The following TRAPPC9 variants were observed in gnomAD, a reference collection of about 807,000 sequenced individuals.
TRAPPC9 encodes trafficking protein particle complex subunit 9.
A neutral mutation model predicts 124.0 loss-of-function variants in TRAPPC9; 83 were observed. That is an observed-to-expected ratio of 0.67 (90% CI 0.56 to 0.80). The LOEUF is 0.80. TRAPPC9 is among the 30% of genes least tolerant of loss of function. The pLI, the probability that TRAPPC9 is intolerant of heterozygous loss-of-function variation, is 0.00. For missense variants in TRAPPC9, 1,302 were observed against 1,508.3 expected (o/e 0.86, Z 2.27); for synonymous variants, 638 against 617.5 (o/e 1.03, Z -0.49).
At chr8:139,838,201 C>T (rs1826483941) in intron 21 of TRAPPC9, among the ~76,000 whole-genome samples, 2 of 152,190 alleles carry the variant, frequency 1.3e-5, no homozygotes, top group South Asian at 2.1e-4. Context: ...TCTTCCTCAT[C>T]CTGCAGGTCT....
chr8:140,076,171 C>T lies in TRAPPC9; in HGVS notation c.2557-52092G>A, dbSNP rs193084584. ...GTATATATACATAGCAGCACTGTGA[C>T]GAGTCTACATAAGGAAGAGAGTTTC... is the stretch of plus-strand genomic sequence containing the variant. On this transcript the variant is annotated intron_variant, in intron 17 of 22. Coordinates refer to ENST00000438773, the MANE Select transcript of TRAPPC9 (RefSeq NM_001160372.4). Among the ~76,000 whole-genome samples the T allele has an allele frequency of 3.4e-4, 52 of 152,248 alleles. No homozygotes were observed. The East Asian group carries it at 8.9e-3, about 26-fold the overall frequency.
intron 21 of TRAPPC9, among the ~76,000 whole-genome samples, chr8:139,816,043 A>G (rs1043159560): frequency 1.3e-5 from 2 of 152,222 alleles, no homozygotes; most frequent in African/African-American, 2.4e-5. Context: ...TGGCTTAACC[A>G]CTGGAGAAAC....
rs1292031022 is a variant in TRAPPC9 at position 140,450,789 on chromosome 8, C to T, written c.584+1G>A. On this transcript the variant is annotated splice_donor_variant, in intron 2 of 22. Coordinates refer to ENST00000438773, the MANE Select transcript of TRAPPC9 (RefSeq NM_001160372.4). LOFTEE classifies it high-confidence loss of function. ...GGGCCTGGGTCTCTAGGTAAGCTTA[C>T]CTGCTGTCTGTGTCCAGTCCTACAA... The T allele has an allele frequency of 1.9e-6, 3 of 1,603,220 alleles. No individual in the cohort carries two copies. The highest frequency in any genetic ancestry group is 1.3e-5 in the African/African-American group (1 of 74,902).
At chr8:140,094,366 C>T (rs1279895504) in intron 17 of TRAPPC9, among the ~76,000 whole-genome samples, 9 of 152,178 alleles carry the variant, frequency 5.9e-5, no homozygotes, top group Non-Finnish European at 8.8e-5. Flanking sequence ...GGTGTGGCAG[C>T]GTAGGCAGGC....
At chr8:140,327,243 T>C (rs2066763695) in intron 9 of TRAPPC9, among the ~76,000 whole-genome samples, 1 of 150,528 alleles carries the variant, frequency 6.6e-6, no homozygotes, top group African/African-American at 2.4e-5. Flanking sequence ...ACAGGACATC[T>C]AAAAAAAAAG....
intron 17 of TRAPPC9, among the ~76,000 whole-genome samples, chr8:140,057,346 A>C (rs950118431): frequency 7.2e-5 from 11 of 152,242 alleles, no homozygotes; most frequent in African/African-American, 2.7e-4. Flanking sequence ...GTATTTATCC[A>C]AAAGAATTGA....
intron 5 of TRAPPC9, among the ~76,000 whole-genome samples, chr8:140,407,435 G>A (rs933597667): frequency 1.3e-5 from 2 of 151,020 alleles, no homozygotes; most frequent in Non-Finnish European, 2.9e-5. Flanking sequence ...GGGGGGGCGG[G>A]TCAGAATGAG....
At position 140,113,224 on chromosome 8, in the gene TRAPPC9, G is replaced by C. The variant is rs2130526047; in HGVS notation, c.2557-89145C>G. The stretch of plus-strand genomic sequence containing the variant: ...AATAGAACATAGTCCCCTGGACAGA[G>C]GGTGCTTCATTTCAGGGAGATTGAC... On this transcript the variant is annotated intron_variant, in intron 17 of 22. Coordinates refer to ENST00000438773, the MANE Select transcript of TRAPPC9 (RefSeq NM_001160372.4). Among the ~76,000 whole-genome samples, 3 of 152,318 alleles carry C rather than the reference G, an allele frequency of 2.0e-5. No individual in the cohort carries two copies. The Middle Eastern group carries it at 0.01, about 518-fold the overall frequency.
chr8:140,201,462 T>G (rs2062787544), intron 17 of TRAPPC9, among the ~76,000 whole-genome samples: 2 of 152,270 alleles, frequency 1.3e-5, no homozygotes, highest in Admixed American at 1.3e-4. Context: ...ACTGATTTTT[T>G]TATAACAATC....
intron 15 of TRAPPC9, among the ~76,000 whole-genome samples, chr8:140,270,165 G>A (rs1223377119): frequency 6.6e-6 from 1 of 152,170 alleles, no homozygotes; most frequent in African/African-American, 2.4e-5. Context: ...GCTGGACCTT[G>A]AGATGAGACC....
chr8:139,737,101 G>T (rs540958612), intron 21 of TRAPPC9, among the ~76,000 whole-genome samples: 4 of 152,324 alleles, frequency 2.6e-5, no homozygotes, highest in African/African-American at 9.6e-5. Context: ...GTGAAAGCGC[G>T]GGTGCTGCTG....
At chr8:139,848,972 T>C (rs1827275075) in intron 21 of TRAPPC9, among the ~76,000 whole-genome samples, 1 of 152,222 alleles carries the variant, frequency 6.6e-6, no homozygotes, top group African/African-American at 2.4e-5. Flanking sequence ...GAAAAGCTTT[T>C]GCCTGGTCAA....
intron 17 of TRAPPC9, chr8:140,096,661 G>A (rs1164973751): frequency 2.6e-5 from 4 of 152,258 alleles, no homozygotes; most frequent in African/African-American, 9.6e-5. Flanking sequence ...CAAAGTCAGG[G>A]AAATTGTAAA....
intron 9 of TRAPPC9, among the ~76,000 whole-genome samples, chr8:140,329,014 C>T (rs968861459): frequency 1.3e-5 from 2 of 152,020 alleles, no homozygotes; most frequent in African/African-American, 2.4e-5. Flanking sequence ...TCTAAAGCAC[C>T]GGAGGGTGGA....
chr8:140,453,392 C>T (rs1205516073), intron 1 of TRAPPC9, among the ~76,000 whole-genome samples: 1 of 152,152 alleles, frequency 6.6e-6, no homozygotes, highest in Non-Finnish European at 1.5e-5. Context: ...GAGATCGTGG[C>T]AGTAAAACCC....
In TRAPPC9 at chr8:140,241,285, G is replaced by A. The variant is rs2063850012; in HGVS notation, c.2431+11492C>T. On this transcript the variant is annotated intron_variant, in intron 16 of 22. Transcript: ENST00000438773. The surrounding 1 kb of genome is among the most constrained non-coding windows in gnomAD (Gnocchi z 5.0). ...ATGGTGGTGTGTCCCTGTAATCCCA[G>A]CTACTAGGGAGGAGAATCACTTGAA... Among the ~76,000 whole-genome samples the A allele has an allele frequency of 6.6e-6, 1 of 152,074 alleles. No homozygotes were observed. Among genetic ancestry groups the A allele is most frequent in the South Asian group, 2.1e-4 (1 of 4,830 alleles).
intron 9 of TRAPPC9, among the ~76,000 whole-genome samples, chr8:140,335,572 C>G (rs187919014): frequency 8.5e-5 from 13 of 152,174 alleles, no homozygotes; most frequent in Non-Finnish European, 5.9e-5. Context: ...GGAGACAAAT[C>G]CAGCCTTCAT....
At chr8:140,227,762 G>A (rs2063487965) in intron 16 of TRAPPC9, among the ~76,000 whole-genome samples, 2 of 152,218 alleles carry the variant, frequency 1.3e-5, no homozygotes, top group Admixed American at 1.3e-4. Context: ...CAGGCGCTCA[G>A]TGCACACCAT....
intron 21 of TRAPPC9, among the ~76,000 whole-genome samples, chr8:139,806,565 T>C (rs549796571): frequency 2.0e-5 from 3 of 152,320 alleles, no homozygotes; most frequent in African/African-American, 7.2e-5. Flanking sequence ...AGGGTGTACC[T>C]GAACCGGGAG....
Sources: gnomAD v4.1 joint callset for allele counts (sites outside exome capture counted in the v4.1 genomes callset) on GRCh38, gnomAD v4.1.1 for gene constraint, Gnocchi (gnomAD v3.1) non-coding constraint, MANE v1.5 for transcripts, NCBI Gene and HGNC (gene_info 2026-07-23, HGNC 2026-07-21) for gene names.